Variants in SPTBN1 observed in about 807,000 individuals in gnomAD.
SPTBN1 encodes spectrin beta, non-erythrocytic 1, also known as spectrin beta chain, non-erythrocytic 1.
Under a neutral mutation model 266.4 loss-of-function variants are expected in SPTBN1, and 32 were observed. The ratio of observed to expected loss-of-function variants is 0.12; its 90% CI spans 0.09 to 0.16. SPTBN1 has a LOEUF of 0.16. Ranked by LOEUF, SPTBN1 falls within the 10% of genes least tolerant of loss-of-function variation. The probability of loss-of-function intolerance (pLI) is 1.00; values close to 1 mark genes in which losing one functional copy is unlikely to be tolerated. For synonymous variants in SPTBN1, 1,336 were observed against 1,162.2 expected (o/e 1.15, Z -3.04); for missense variants, 2,296 against 3,067.1 (o/e 0.75, Z 5.94).
At chr2:54,545,385 C>T (rs1319259896) in intron 2 of SPTBN1, 1 of 152,044 alleles carries the variant, frequency 6.6e-6, no homozygotes, top group South Asian at 2.1e-4. Flanking sequence ...TACCATTTGA[C>T]CCAGCAATCC....
intron 2 of SPTBN1, among the ~76,000 whole-genome samples, chr2:54,564,793 T>C (rs1323844139): frequency 6.6e-6 from 1 of 152,220 alleles, no homozygotes; most frequent in Non-Finnish European, 1.5e-5. Context: ...GTTTCAGCGC[T>C]TGATCATTCA....
At chr2:54,460,832 C>G (rs538393775) in intron 1 of SPTBN1, among the ~76,000 whole-genome samples, 6 of 152,278 alleles carry the variant, frequency 3.9e-5, no homozygotes, top group Admixed American at 3.9e-4. Flanking sequence ...GAAACCCCAT[C>G]TCTACTAAAA....
Position 54,645,186 on chromosome 2 carries a change from A to G in SPTBN1, c.4270-43A>G. ...TCTGCTTAGAGCCAGTCACTGCAAAAGATAGTCTGTGCTGAGCGCTGAGGC... is the reference window on the plus strand; with the variant it reads ...TCTGCTTAGAGCCAGTCACTGCAAAGGATAGTCTGTGCTGAGCGCTGAGGC... On this transcript the variant is annotated intron_variant, in intron 20 of 35. Coordinates refer to ENST00000356805, the MANE Select transcript of SPTBN1 (RefSeq NM_003128.3). This position sits in a 1 kb window ranked among gnomAD's most constrained non-coding sequence, Gnocchi z 4.3. 1 of 1,608,714 alleles carries G rather than the reference A, an allele frequency of 6.2e-7. No individual in the cohort carries two copies. The highest frequency in any genetic ancestry group is 8.5e-7 in the Non-Finnish European group (1 of 1,175,770).
At chr2:54,615,674 C>T (rs986420109) in intron 4 of SPTBN1, among the ~76,000 whole-genome samples, 4 of 152,180 alleles carry the variant, frequency 2.6e-5, no homozygotes, top group Admixed American at 6.5e-5. Flanking sequence ...GACTTTGGTG[C>T]CAGCCGACCA....
chr2:54,496,705 T>C (rs1023880069), intron 1 of SPTBN1, among the ~76,000 whole-genome samples: 1 of 152,186 alleles, frequency 6.6e-6, no homozygotes, highest in Admixed American at 6.5e-5. Context: ...CAAATGATAA[T>C]AACAAGCTAT....
chr2:54,580,331 G>C (rs1288829773), intron 2 of SPTBN1, among the ~76,000 whole-genome samples: 2 of 152,294 alleles, frequency 1.3e-5, no homozygotes, highest in East Asian at 3.9e-4. Context: ...GAACTAAAAA[G>C]CATCTGAAAC....
chr2:54,495,007 C>T (rs143591001), intron 1 of SPTBN1, among the ~76,000 whole-genome samples: 245 of 152,016 alleles, frequency 1.6e-3, no homozygotes, highest in African/African-American at 5.4e-3. Context: ...TGCTCACAGT[C>T]AAGAACAGGG....
intron 2 of SPTBN1, among the ~76,000 whole-genome samples, chr2:54,579,496 A>G (rs757779699): frequency 4.6e-5 from 7 of 152,160 alleles, no homozygotes; most frequent in African/African-American, 1.7e-4. Context: ...TCGTCTCTGT[A>G]TTGGTAGCAT....
intron 1 of SPTBN1, among the ~76,000 whole-genome samples, chr2:54,475,218 A>G (rs1416909394): frequency 6.6e-6 from 1 of 152,138 alleles, no homozygotes; most frequent in Non-Finnish European, 1.5e-5. Context: ...AAAAAGAAAA[A>G]GAAAAGTGGA....
At position 54,659,212 on chromosome 2, in the gene SPTBN1, C is replaced by T; in HGVS notation, c.6302C>T (p.Pro2101Leu). The change falls in exon 31 of 36, where the codon CCT becomes CTT. Residue 2101 changes from proline to leucine, a missense_variant. Physicochemically the swap from Pro to Leu is moderately conservative, Grantham distance 98. This residue lies in a region of SPTBN1 where 347 missense variants were observed against 368.5 expected (regional missense o/e 0.94). Coordinates refer to ENST00000356805, the MANE Select transcript of SPTBN1 (RefSeq NM_003128.3). ...GAAGAGGAGAGGAAGAGGCGGCCGCCTTCTCCCGAGCCGAGCACGAAGGTT... is the reference window on the plus strand; with the variant it reads ...GAAGAGGAGAGGAAGAGGCGGCCGCTTTCTCCCGAGCCGAGCACGAAGGTT... Reference protein sequence around the residue: ...QEEEERKRRPPSPEPSTKVSE... With the variant: ...QEEEERKRRPLSPEPSTKVSE... 6.2e-7 allele frequency: 1 copy of T among 1,614,098 alleles called. No homozygotes were observed. The highest frequency in any genetic ancestry group is 1.1e-5 in the South Asian group (1 of 91,070).
At position 54,666,011 on chromosome 2, in the gene SPTBN1, G is replaced by C. The variant is rs1262129313; in HGVS notation, c.6756G>C (p.Glu2252Asp). 6.2e-7 allele frequency: 1 copy of C among 1,614,068 alleles called. No homozygotes were observed. Among genetic ancestry groups the C allele is most frequent in the African/African-American group, 1.3e-5 (1 of 75,000 alleles). The change falls in exon 34 of 36, where the codon GAG (glutamate) becomes GAC (aspartate). Residue 2252 changes from glutamate to aspartate, a missense_variant. By Grantham distance (45) the Glu-to-Asp change is conservative (BLOSUM62 2). Transcript: ENST00000356805. ...TAASGIPYHS[E>D]VPVSLKEAVC... ...CTTCTGGAATTCCCTACCACAGCGA[G>C]GTCCCTGTGAGTTTGAAAGAAGCTG...
Position 54,533,939 on chromosome 2 carries a change from CACAA to C in SPTBN1, c.148+7377_148+7380del, listed in dbSNP as rs1558814577. On this transcript the variant is annotated intron_variant, in intron 2 of 35. Coordinates refer to ENST00000356805, the MANE Select transcript of SPTBN1 (RefSeq NM_003128.3). The surrounding 1 kb of genome is among the most constrained non-coding windows in gnomAD (Gnocchi z 4.2). ...ACACACACACACACGCACGCACGCA[CACAA>C]ACACACACACCCCAGTCATTTTAAG... is the stretch of plus-strand genomic sequence containing the variant. Among the ~76,000 whole-genome samples, 2 of 151,206 alleles carry C rather than the reference CACAA, an allele frequency of 1.3e-5. No individual in the cohort carries two copies. Among genetic ancestry groups the C allele is most frequent in the Admixed American group, 6.6e-5 (1 of 15,240 alleles).
At chr2:54,557,885 C>G in intron 2 of SPTBN1, 1 of 985,442 alleles carries the variant, frequency 1.0e-6, no homozygotes, top group Non-Finnish European at 1.2e-6. Context: ...TGTCTGACTT[C>G]TTCCCGGTGG....
intron 1 of SPTBN1, among the ~76,000 whole-genome samples, chr2:54,494,274 T>C (rs748741096): frequency 6.6e-6 from 1 of 152,264 alleles, no homozygotes; most frequent in Non-Finnish European, 1.5e-5. Flanking sequence ...AGGATATTCC[T>C]CTGGTGCATT....
At chr2:54,660,766 T>C (rs1355171154) in intron 32 of SPTBN1, 1 of 985,460 alleles carries the variant, frequency 1.0e-6, no homozygotes, top group South Asian at 4.7e-5. Context: ...CTTGCACAGA[T>C]GTTGCAGCCA....
Position 54,655,892 on chromosome 2 carries a change from G to T in SPTBN1, c.5962-22G>T, listed in dbSNP as rs771400290. On this transcript the variant is annotated intron_variant, in intron 28 of 35. Transcript: ENST00000356805. ...GTGGTGCATTCCATTAAGATGTCCC[G>T]GGGATCCTCTTTTTCATACAGATCA... The T allele has an allele frequency of 2.8e-5, 44 of 1,593,534 alleles. No individual in the cohort carries two copies. In the Admixed American group the frequency reaches 4.0e-4, roughly 15 times the overall value.
chr2:54,530,717 A>T (rs913084152), intron 2 of SPTBN1, among the ~76,000 whole-genome samples: 4 of 152,166 alleles, frequency 2.6e-5, no homozygotes, highest in Non-Finnish European at 5.9e-5. Context: ...ACCCTCAGGA[A>T]TTGCTTTTAA....
Position 54,621,521 on chromosome 2 carries a change from G to A in SPTBN1, c.876+9G>A, listed in dbSNP as rs763972494. The A allele has an allele frequency of 2.5e-6, 4 of 1,607,486 alleles. No homozygotes were observed. The East Asian group carries it at 8.9e-5, about 36-fold the overall frequency. On this transcript the variant is annotated intron_variant, in intron 8 of 35. Coordinates refer to ENST00000356805, the MANE Select transcript of SPTBN1 (RefSeq NM_003128.3). ...GAAAACGAATTGGAAAGGTGAGCTG[G>A]TGCCAATTTTGTGAGTTGTGAGACA...
chr2:54,593,252 G>C (rs992837782), intron 2 of SPTBN1, among the ~76,000 whole-genome samples: 16 of 152,094 alleles, frequency 1.1e-4, no homozygotes, highest in Admixed American at 1.0e-3. Flanking sequence ...TGGTTCCTAG[G>C]TTCTCGGGGC....
Sources: gnomAD v4.1 joint callset for allele counts (sites outside exome capture counted in the v4.1 genomes callset) on GRCh38, gnomAD v4.1.1 for gene constraint, gnomAD v4.1.1 regional missense constraint, Gnocchi (gnomAD v3.1) non-coding constraint, MANE v1.5 for transcripts, NCBI Gene and HGNC (gene_info 2026-07-23, HGNC 2026-07-21) for gene names.